The following SIPA1L1 variants were observed in gnomAD, a reference collection of about 807,000 sequenced individuals.
SIPA1L1 encodes the protein signal-induced proliferation-associated 1-like protein 1.
In SIPA1L1, 26 loss-of-function variants were observed where a neutral mutation model predicts 162.7. That is an observed-to-expected ratio of 0.16 (90% CI 0.12 to 0.22). The LOEUF (loss-of-function observed/expected upper bound fraction) is 0.22. Among genes scored for constraint, SIPA1L1 ranks in the 10% least tolerant of loss-of-function variants. SIPA1L1 has a pLI of 1.00. For synonymous variants in SIPA1L1, 829 were observed against 837.4 expected, an observed-to-expected ratio of 0.99 and a Z score of 0.17; for missense variants, 1,874 against 2,241.0, an observed-to-expected ratio of 0.84 and a Z score of 3.31.
chr14:71,527,191 T>C (rs1210183693), intron 3 of SIPA1L1, among the ~76,000 whole-genome samples: 1 of 152,176 alleles, frequency 6.6e-6, no homozygotes. Flanking sequence ...AGTCTTGCTC[T>C]GGTTGGGATG....
intron 5 of SIPA1L1, among the ~76,000 whole-genome samples, chr14:71,610,179 T>A (rs977814390): frequency 1.3e-5 from 2 of 152,220 alleles, no homozygotes; most frequent in Non-Finnish European, 2.9e-5. Flanking sequence ...TTGTTTGTTG[T>A]CTGCATTTAT....
intron 3 of SIPA1L1, among the ~76,000 whole-genome samples, chr14:71,517,951 A>T (rs2051910590): frequency 6.6e-6 from 1 of 152,072 alleles, no homozygotes; most frequent in Non-Finnish European, 1.5e-5. Flanking sequence ...GTATCCTTTA[A>T]TGAACAGAAG....
At position 71,587,864 on chromosome 14, in the gene SIPA1L1, T is replaced by G. The variant is rs377228889; in HGVS notation, c.-9T>G. 24 of 1,595,414 alleles carry G rather than the reference T, an allele frequency of 1.5e-5. No individual in the cohort carries two copies. In the Middle Eastern group the frequency reaches 1.2e-3, roughly 78 times the overall value. On this transcript the variant is annotated 5_prime_UTR_variant, in exon 5 of 24. Transcript: ENST00000381232. Reference sequence around the variant, plus strand: ...GCTGCAGGGATTTAAGTCTACTTGCTTTTACATCATGACCAGCTTGAAACG... The same window carrying G: ...GCTGCAGGGATTTAAGTCTACTTGCGTTTACATCATGACCAGCTTGAAACG...
At chr14:71,599,958 ATTTG>A (rs1335609101) in intron 5 of SIPA1L1, among the ~76,000 whole-genome samples, 2 of 151,674 alleles carry the variant, frequency 1.3e-5, no homozygotes, top group Non-Finnish European at 2.9e-5. Flanking sequence ...TAATAGGATT[ATTTG>A]TTTTTTGTTT....
chr14:71,550,784 G>A (rs1320470231), intron 4 of SIPA1L1, among the ~76,000 whole-genome samples: 2 of 151,968 alleles, frequency 1.3e-5, no homozygotes, highest in African/African-American at 4.8e-5. Flanking sequence ...GGTCAACAAA[G>A]AATTATGAGC....
intron 2 of SIPA1L1, among the ~76,000 whole-genome samples, chr14:71,425,243 T>G (rs976336163): frequency 5.9e-5 from 9 of 152,098 alleles, no homozygotes; most frequent in Non-Finnish European, 1.0e-4. Context: ...GTTGTTTTTC[T>G]TTTGTTTAGT....
intron 2 of SIPA1L1, among the ~76,000 whole-genome samples, chr14:71,396,834 AT>A (rs2041244888): frequency 6.6e-6 from 1 of 152,240 alleles, no homozygotes; most frequent in African/African-American, 2.4e-5. Flanking sequence ...TAACAAGAGC[AT>A]TAAAATTAGA....
chr14:71,439,016 T>C (rs2044628675), intron 2 of SIPA1L1, among the ~76,000 whole-genome samples: 1 of 152,128 alleles, frequency 6.6e-6, no homozygotes, highest in Non-Finnish European at 1.5e-5. Context: ...TTTGATTTGA[T>C]TTAACTAATG....
intron 2 of SIPA1L1, among the ~76,000 whole-genome samples, chr14:71,456,658 A>T (rs2046211000): frequency 1.3e-5 from 2 of 152,268 alleles, no homozygotes. Context: ...TTTTCAGACA[A>T]AACAGAATGT....
intron 2 of SIPA1L1, among the ~76,000 whole-genome samples, chr14:71,438,441 A>G (rs2044579732): frequency 6.6e-6 from 1 of 152,164 alleles, no homozygotes; most frequent in African/African-American, 2.4e-5. Flanking sequence ...AGCAAAGATC[A>G]TCTCCACCCA....
At chr14:71,738,403 A>C in intron 23 of SIPA1L1, 78 bp downstream of exon 23, 1 of 970,042 alleles carries the variant, frequency 1.0e-6, no homozygotes, top group Non-Finnish European at 1.6e-6. Context: ...TCTAAGTAGC[A>C]TGGTAAAATA....
intron 2 of SIPA1L1, among the ~76,000 whole-genome samples, chr14:71,354,150 T>G (rs1007688398): frequency 5.8e-4 from 89 of 152,288 alleles, no homozygotes; most frequent in African/African-American, 2.1e-3. Flanking sequence ...TCCTTTGATG[T>G]TGATACTATT....
intron 2 of SIPA1L1, among the ~76,000 whole-genome samples, chr14:71,463,245 GCCCTCA>G (rs1352495922): frequency 1.3e-5 from 2 of 152,074 alleles, no homozygotes; most frequent in Admixed American, 1.3e-4. Context: ...CTCCATAATA[GCCCTCA>G]CCCTACCAGT....
At chr14:71,599,376 A>G (rs531278887) in intron 5 of SIPA1L1, among the ~76,000 whole-genome samples, 13 of 150,436 alleles carry the variant, frequency 8.6e-5, no homozygotes, top group African/African-American at 3.2e-4. Context: ...TCTCAACATG[A>G]TCCAACCTCA....
intron 2 of SIPA1L1, among the ~76,000 whole-genome samples, chr14:71,500,579 C>T (rs2050128495): frequency 6.6e-6 from 1 of 152,154 alleles, no homozygotes; most frequent in East Asian, 1.9e-4. Flanking sequence ...AACTTTTGAC[C>T]CAGCAGTTCC....
intron 2 of SIPA1L1, among the ~76,000 whole-genome samples, chr14:71,395,753 GCAC>G (rs1224779018): frequency 1.3e-5 from 2 of 152,220 alleles, no homozygotes; most frequent in Admixed American, 6.5e-5. Flanking sequence ...GACTGTGTCA[GCAC>G]CAGTGTTGTT....
chr14:71,387,348 C>T (rs548242516), intron 2 of SIPA1L1, among the ~76,000 whole-genome samples: 10 of 151,880 alleles, frequency 6.6e-5, no homozygotes, highest in African/African-American at 1.4e-4. Context: ...TGCTGGTACC[C>T]GCCTGTAGTC....
chr14:71,410,277 A>G (rs1264795762), intron 2 of SIPA1L1, among the ~76,000 whole-genome samples: 1 of 152,170 alleles, frequency 6.6e-6, no homozygotes, highest in African/African-American at 2.4e-5. Context: ...AGCATATTTC[A>G]GTAGGCTTTT....
At chr14:71,545,046 G>T (rs2055057733) in intron 4 of SIPA1L1, among the ~76,000 whole-genome samples, 2 of 152,094 alleles carry the variant, frequency 1.3e-5, no homozygotes, top group South Asian at 4.1e-4. Context: ...TTTTTGTAGA[G>T]GTGCTATCTC....
Sources: gnomAD v4.1 joint callset for allele counts (sites outside exome capture counted in the v4.1 genomes callset) on GRCh38, gnomAD v4.1.1 for gene constraint, MANE v1.5 for transcripts, NCBI Gene and HGNC (gene_info 2026-07-23, HGNC 2026-07-21) for gene names.